PTPRN2: variants seen among roughly 807,000 people sequenced by gnomAD.
PTPRN2 encodes receptor-type tyrosine-protein phosphatase N2.
PTPRN2 carries 74 observed loss-of-function variants against 118.8 expected under a neutral mutation model. The observed-to-expected ratio is 0.62, with a 90% CI of 0.52 to 0.76. PTPRN2 has a LOEUF of 0.76. PTPRN2 is among the 30% of genes least tolerant of loss of function. The probability of loss-of-function intolerance (pLI) is 0.00; values close to 1 mark genes in which losing one functional copy is unlikely to be tolerated. For synonymous variants in PTPRN2, 641 were observed against 608.0 expected, an observed-to-expected ratio of 1.05 and a Z score of -0.80; for missense variants, 1,481 against 1,394.4, an observed-to-expected ratio of 1.06 and a Z score of -0.99.
chr7:157,583,240 T>G lies in PTPRN2; in HGVS notation c.2497-5100A>C, dbSNP rs1157572578. On this transcript the variant is annotated intron_variant, in intron 17 of 22. Transcript: ENST00000389418. The surrounding 1 kb of genome is among the most constrained non-coding windows in gnomAD (Gnocchi z 5.5). ...CGGACACAGAAGGACAGGCACCCCA[T>G]GATCTCACTCACATGTGGCACCTAA... is the stretch of plus-strand genomic sequence containing the variant. Among the ~76,000 whole-genome samples, 1 of 152,060 alleles carries G rather than the reference T, an allele frequency of 6.6e-6. No homozygotes were observed. Among genetic ancestry groups the G allele is most frequent in the South Asian group, 2.1e-4 (1 of 4,828 alleles).
At chr7:158,524,555 T>A (rs1357639847) in intron 1 of PTPRN2, among the ~76,000 whole-genome samples, 1 of 146,482 alleles carries the variant, frequency 6.8e-6, no homozygotes, top group Non-Finnish European at 1.5e-5. Context: ...TGCCCTGGAG[T>A]GGAGGGAAGT....
chr7:158,440,594 T>C (rs1463801772), intron 2 of PTPRN2, among the ~76,000 whole-genome samples: 1 of 150,380 alleles, frequency 6.6e-6, no homozygotes, highest in Non-Finnish European at 1.5e-5. Flanking sequence ...ACAATGGTGG[T>C]GGTGATGGTG....
chr7:157,601,018 T>A (rs1252879839), intron 16 of PTPRN2, among the ~76,000 whole-genome samples: 1 of 152,126 alleles, frequency 6.6e-6, no homozygotes, highest in Non-Finnish European at 1.5e-5. Flanking sequence ...TCACTGGGAG[T>A]TTCAGAGTTG....
rs575599677 is a variant in PTPRN2 at position 157,920,475 on chromosome 7, G to A, written c.1724-21738C>T. 1.0e-3 allele frequency among the ~76,000 whole-genome samples: 155 copies of A among 152,298 alleles called. 1 individual carries two copies. The highest frequency in any genetic ancestry group is 3.7e-3 in the African/African-American group (152 of 41,564). ...GCAAAGGCTCTGAGCCTACACCAAG[G>A]CCCCCCATGTTGTCTGAACGTCCTG... On this transcript the variant is annotated intron_variant, in intron 11 of 22. Coordinates refer to ENST00000389418, the MANE Select transcript of PTPRN2 (RefSeq NM_002847.5).
At chr7:157,802,825 G>C (rs188010391) in intron 12 of PTPRN2, among the ~76,000 whole-genome samples, 10 of 152,294 alleles carry the variant, frequency 6.6e-5, no homozygotes, top group Admixed American at 5.9e-4. Flanking sequence ...GTGATGTTGA[G>C]CATCTTTCCA....
Position 157,801,114 on chromosome 7 carries a change from A to C in PTPRN2, c.1788+97559T>G, listed in dbSNP as rs1805268661. ...ACATATATATATGCACATATATATG[A>C]ATACCCAATACCCAATCCACAGCTT... On this transcript the variant is annotated intron_variant, in intron 12 of 22. Coordinates refer to ENST00000389418, the MANE Select transcript of PTPRN2 (RefSeq NM_002847.5). The surrounding 1 kb of genome is among the most constrained non-coding windows in gnomAD (Gnocchi z 4.2). Among the ~76,000 whole-genome samples, 1 of 151,818 alleles carries C rather than the reference A, an allele frequency of 6.6e-6. No homozygotes were observed. The highest frequency in any genetic ancestry group is 2.4e-5 in the African/African-American group (1 of 41,280).
chr7:157,579,655 T>G (rs536838848), intron 17 of PTPRN2, among the ~76,000 whole-genome samples: 2 of 152,378 alleles, frequency 1.3e-5, no homozygotes, highest in South Asian at 4.1e-4. Flanking sequence ...TCATTGGCTC[T>G]CGCGTCCGCC....
At chr7:158,481,598 G>T (rs1686092188) in intron 2 of PTPRN2, among the ~76,000 whole-genome samples, 2 of 152,194 alleles carry the variant, frequency 1.3e-5, no homozygotes, top group Admixed American at 1.3e-4. Context: ...CGCATAGCTG[G>T]GATTACAGGC....
At chr7:157,553,722 A>T (rs548107626) in intron 21 of PTPRN2, among the ~76,000 whole-genome samples, 44 of 152,316 alleles carry the variant, frequency 2.9e-4, no homozygotes, top group African/African-American at 9.4e-4. Flanking sequence ...ACGCTTAAAA[A>T]GTGTGCAGCA....
At chr7:158,402,884 G>A (rs369397551) in intron 2 of PTPRN2, among the ~76,000 whole-genome samples, 131 of 152,300 alleles carry the variant, frequency 8.6e-4, no homozygotes, top group African/African-American at 3.0e-3. Flanking sequence ...AAACTCTGAT[G>A]AGGGAGAATC....
chr7:158,176,792 C>G lies in PTPRN2; in HGVS notation c.550-9501G>C, dbSNP rs972028527. On this transcript the variant is annotated intron_variant, in intron 5 of 22. Coordinates refer to ENST00000389418, the MANE Select transcript of PTPRN2 (RefSeq NM_002847.5). ...TCCCACCAAAGGTCATAAGAACAAT[C>G]ACATGAGGGGGCAAACTTTTAAAAA... Among the ~76,000 whole-genome samples, 8 of 152,354 alleles carry G rather than the reference C, an allele frequency of 5.3e-5. No individual in the cohort carries two copies. In the South Asian group the frequency reaches 1.7e-3, roughly 32 times the overall value.
intron 6 of PTPRN2, among the ~76,000 whole-genome samples, chr7:158,165,925 T>C (rs1822926423): frequency 6.6e-6 from 1 of 152,078 alleles, no homozygotes; most frequent in Admixed American, 6.5e-5. Context: ...GTTCAGCTAG[T>C]GCATGGTGAG....
At chr7:157,960,994 G>A (rs1443268536) in intron 11 of PTPRN2, among the ~76,000 whole-genome samples, 4 of 151,668 alleles carry the variant, frequency 2.6e-5, no homozygotes, top group Non-Finnish European at 5.9e-5. Context: ...GTGACAGAGC[G>A]AGACTCCGTC....
chr7:157,950,902 A>G (rs1453539515), intron 11 of PTPRN2, among the ~76,000 whole-genome samples: 1 of 152,228 alleles, frequency 6.6e-6, no homozygotes, highest in Non-Finnish European at 1.5e-5. Flanking sequence ...GCGGGTGGCC[A>G]TTCCCTATAA....
chr7:158,333,969 AATCT>A (rs1563159008), intron 2 of PTPRN2, among the ~76,000 whole-genome samples: 6 of 36,212 alleles, frequency 1.7e-4, no homozygotes, highest in Non-Finnish European at 2.9e-4. Context: ...TCACACCCAC[AATCT>A]CACCATAAGA....
At chr7:158,206,441 C>T (rs1827150883) in intron 3 of PTPRN2, among the ~76,000 whole-genome samples, 1 of 151,480 alleles carries the variant, frequency 6.6e-6, no homozygotes, top group Non-Finnish European at 1.5e-5. Context: ...CCAGGCAGTA[C>T]CCCATGGGCC....
chr7:157,933,812 TA>T (rs1799538512), intron 11 of PTPRN2, among the ~76,000 whole-genome samples: 3 of 132,076 alleles, frequency 2.3e-5, no homozygotes, highest in African/African-American at 7.6e-5. Flanking sequence ...TTGACAGCTT[TA>T]GAGGAAGGGT....
At chr7:157,837,461 C>A (rs926247594) in intron 12 of PTPRN2, among the ~76,000 whole-genome samples, 12 of 151,336 alleles carry the variant, frequency 7.9e-5, no homozygotes, top group African/African-American at 2.9e-4. Context: ...AGGGGGGAGG[C>A]TGTTTTGATG....
chr7:157,731,495 CCAT>C (rs1799904153), intron 12 of PTPRN2, among the ~76,000 whole-genome samples: 9 of 151,904 alleles, frequency 5.9e-5, no homozygotes, highest in African/African-American at 1.9e-4. Flanking sequence ...CTTTCCCGTC[CCAT>C]GCGCCCAGCA....
Sources: gnomAD v4.1 joint callset for allele counts (sites outside exome capture counted in the v4.1 genomes callset) on GRCh38, gnomAD v4.1.1 for gene constraint, Gnocchi (gnomAD v3.1) non-coding constraint, MANE v1.5 for transcripts, NCBI Gene and HGNC (gene_info 2026-07-23, HGNC 2026-07-21) for gene names.